The following SEC24D variants were observed in gnomAD, a reference collection of about 807,000 sequenced individuals.
SEC24D encodes protein transport protein Sec24D.
Under a neutral mutation model 116.9 loss-of-function variants are expected in SEC24D, and 69 were observed. The ratio of observed to expected loss-of-function variants is 0.59; its 90% CI spans 0.49 to 0.72. The LOEUF is 0.72. Among genes scored for constraint, SEC24D ranks in the 30% least tolerant of loss-of-function variants. The pLI is 0.00. For synonymous variants in SEC24D, 405 were observed against 442.8 expected (o/e 0.91, Z 1.07); for missense variants, 1,131 against 1,264.1 (o/e 0.89, Z 1.60).
At chr4:118,823,268 T>C (rs1730470337) in intron 3 of SEC24D, among the ~76,000 whole-genome samples, 2 of 152,170 alleles carry the variant, frequency 1.3e-5, no homozygotes, top group African/African-American at 2.4e-5. Context: ...CTGCATCCCA[T>C]AGCTACCATT....
intron 17 of SEC24D, among the ~76,000 whole-genome samples, chr4:118,739,665 A>G (rs1237778855): frequency 6.6e-6 from 1 of 152,214 alleles, no homozygotes; most frequent in African/African-American, 2.4e-5. Context: ...TTTCTTAAAA[A>G]CATACAACTA....
intron 8 of SEC24D, among the ~76,000 whole-genome samples, chr4:118,771,882 G>T (rs1727920073): frequency 6.6e-6 from 1 of 151,974 alleles, no homozygotes; most frequent in African/African-American, 2.4e-5. Flanking sequence ...GGGGTAGAAA[G>T]ACAGTAAATA....
Position 118,723,216 on chromosome 4 carries a change from A to G in SEC24D, c.*299T>C, listed in dbSNP as rs1725234409. The G allele has an allele frequency of 4.4e-6, 1 of 226,704 alleles. No individual in the cohort carries two copies. Among genetic ancestry groups the G allele is most frequent in the Non-Finnish European group, 8.5e-6 (1 of 117,166 alleles). 14.0% of individuals were successfully genotyped at this position (226,704 alleles called of 1,614,324 possible). A position where few individuals can be genotyped will look rare whatever the true frequency, so the allele number is the denominator to read the frequency against. ...AATAATTTATATGTCTAGCATAAAG[A>G]AAATTGAGAATGTTTATGGTTCTGT... On this transcript the variant is annotated 3_prime_UTR_variant, in exon 23 of 23. Transcript: ENST00000280551.
intron 11 of SEC24D, among the ~76,000 whole-genome samples, chr4:118,755,321 C>A (rs1189545671): frequency 6.6e-6 from 1 of 151,824 alleles, no homozygotes; most frequent in Non-Finnish European, 1.5e-5. Flanking sequence ...ATGATTACTT[C>A]TCTCAATGCT....
At chr4:118,748,407 AAC>A (rs2110451756) in intron 13 of SEC24D, among the ~76,000 whole-genome samples, 1 of 152,336 alleles carries the variant, frequency 6.6e-6, no homozygotes, top group Admixed American at 6.5e-5. Context: ...TAATTTCATA[AAC>A]ACACAATTAT....
intron 8 of SEC24D, among the ~76,000 whole-genome samples, chr4:118,784,022 G>A (rs917443004): frequency 1.3e-5 from 2 of 152,210 alleles, no homozygotes; most frequent in African/African-American, 2.4e-5. Context: ...GGCCAACATG[G>A]CGAAACCTTG....
Position 118,738,530 on chromosome 4 carries a change from T to C in SEC24D, c.2378-151A>G. On this transcript the variant is annotated intron_variant, in intron 18 of 22. Transcript: ENST00000280551. ...ATCTGTTCAAGTCATTTGCTAATGG[T>C]CTCCTCTTGACTAAATATGATGATC... is the stretch of plus-strand genomic sequence containing the variant. The C allele has an allele frequency of 4.6e-6, 3 of 649,386 alleles. No homozygotes were observed. The South Asian group carries it at 5.3e-5, about 11-fold the overall frequency. 40.2% of individuals were successfully genotyped at this position (649,386 alleles called of 1,614,324 possible). A position where few individuals can be genotyped will look rare whatever the true frequency, so the allele number is the denominator to read the frequency against.
intron 2 of SEC24D, among the ~76,000 whole-genome samples, chr4:118,828,153 G>A (rs1159182785): frequency 6.6e-6 from 1 of 151,450 alleles, no homozygotes; most frequent in Non-Finnish European, 1.5e-5. Flanking sequence ...CAGTCTCCCA[G>A]GCTGGAGTGC....
At chr4:118,725,295 CAA>C (rs1468481789) in intron 22 of SEC24D, among the ~76,000 whole-genome samples, 1 of 152,168 alleles carries the variant, frequency 6.6e-6, no homozygotes, top group Non-Finnish European at 1.5e-5. Context: ...CATGGGGAAG[CAA>C]AACTAACCCT....
chr4:118,783,077 C>T (rs1036000343), intron 8 of SEC24D, among the ~76,000 whole-genome samples: 3 of 152,204 alleles, frequency 2.0e-5, no homozygotes, highest in African/African-American at 4.8e-5. Flanking sequence ...GGCGACGCCC[C>T]GCCCTGCTTT....
intron 8 of SEC24D, among the ~76,000 whole-genome samples, chr4:118,768,731 T>C (rs1727760970): frequency 6.6e-6 from 1 of 151,654 alleles, no homozygotes; most frequent in Non-Finnish European, 1.5e-5. Flanking sequence ...TCTTAGCTTT[T>C]GCCCCAGGAC....
At chr4:118,801,166 G>A (rs1233998584) in intron 7 of SEC24D, among the ~76,000 whole-genome samples, 4 of 151,960 alleles carry the variant, frequency 2.6e-5, no homozygotes, top group Non-Finnish European at 5.9e-5. Context: ...GGAGGCTGAG[G>A]CAGGAGAATG....
At chr4:118,781,418 C>T (rs1204841031) in intron 8 of SEC24D, among the ~76,000 whole-genome samples, 1 of 152,184 alleles carries the variant, frequency 6.6e-6, no homozygotes, top group Admixed American at 6.5e-5. Context: ...TATTGGCCCC[C>T]ACTCTCTTCT....
chr4:118,777,230 A>C (rs1232152425), intron 8 of SEC24D, among the ~76,000 whole-genome samples: 1 of 152,054 alleles, frequency 6.6e-6, no homozygotes, highest in Admixed American at 6.6e-5. Flanking sequence ...CTCATCATTT[A>C]CACTAGGTAT....
chr4:118,740,540 T>G, intron 17 of SEC24D, 123 bp downstream of exon 17: 1 of 1,084,572 alleles, frequency 9.2e-7, no homozygotes, highest in Non-Finnish European at 1.3e-6. Flanking sequence ...ACTTTTGACT[T>G]TGGAGAAAGA....
rs758347436 is a variant in SEC24D, at chr4:118,723,613, G to T, written c.3001C>A (p.Arg1001=). Residue 1001 remains arginine, a synonymous_variant, in exon 23 of 23, where the codon CGA becomes AGA. Coordinates refer to ENST00000280551, the MANE Select transcript of SEC24D (RefSeq NM_014822.4). The stretch of plus-strand genomic sequence containing the variant: ...CCTTTGTCTTCTACCAGGAACTGTC[G>T]GAAAACCATTTCTGGTTGTTCTCGC... The part of the protein sequence containing the change: ...KQREQPEMVF[R]QFLVEDKGLY... The T allele has an allele frequency of 6.2e-7, 1 of 1,613,524 alleles. No individual in the cohort carries two copies. The highest frequency in any genetic ancestry group is 8.5e-7 in the Non-Finnish European group (1 of 1,179,750).
Position 118,752,866 on chromosome 4 carries a change from C to A in SEC24D, c.1444G>T (p.Ala482Ser). 6.3e-7 allele frequency: 1 copy of A among 1,584,402 alleles called. No individual in the cohort carries two copies. Among genetic ancestry groups the A allele is most frequent in the South Asian group, 1.2e-5 (1 of 84,318 alleles). Reference protein sequence around the residue: ...IPKEEQEETSAIRVGFITYNK... With the variant: ...IPKEEQEETSSIRVGFITYNK... The stretch of plus-strand genomic sequence containing the variant: ...TATGTGATAAAACCCACTCGAATTG[C>A]AGACGTCTCTTCTTGCTCTTCCCTG... Residue 482 changes from alanine (A) to serine (S), a missense_variant, in exon 12 of 23, where the codon GCA (alanine) becomes TCA (serine). Transcript: ENST00000280551.
chr4:118,723,660 G>GAA lies in SEC24D; in HGVS notation c.2959-7_2959-6dup, dbSNP rs140990828. 1.4e-4 allele frequency: 204 copies of GAA among 1,430,198 alleles called. No homozygotes were observed. The highest frequency in any genetic ancestry group is 5.4e-4 in the Middle Eastern group (3 of 5,512). The allele number at this position is 1,430,198 out of a possible 1,614,324, so 88.6% of individuals were successfully genotyped here. On this transcript the variant is annotated splice_polypyrimidine_tract_variant and splice_region_variant and intron_variant, in intron 22 of 22. Transcript: ENST00000280551. ...TCGCTGCTTTACAATTGTGAGCTAG[G>GAA]AAAAAAAAAACAAAACAGTAACAGC...
Position 118,752,130 on chromosome 4 carries a change from A to G in SEC24D, c.1614-41T>C, listed in dbSNP as rs114026007. On this transcript the variant is annotated intron_variant, in intron 12 of 22. Coordinates refer to ENST00000280551, the MANE Select transcript of SEC24D (RefSeq NM_014822.4). Reference sequence around the variant, plus strand: ...AAGCAAAAGGTTTGAAATGTTTAGCATATTTTAATAAACTTCAAGCAATAA... The same window carrying G: ...AAGCAAAAGGTTTGAAATGTTTAGCGTATTTTAATAAACTTCAAGCAATAA... 395 of 1,290,266 alleles carry G rather than the reference A, an allele frequency of 3.1e-4. No homozygotes were observed. In the African/African-American group the frequency reaches 4.7e-3, roughly 15 times the overall value. The allele number at this position is 1,290,266 out of a possible 1,614,324, so 79.9% of individuals were successfully genotyped here.
Sources: gnomAD v4.1 joint callset for allele counts (sites outside exome capture counted in the v4.1 genomes callset) on GRCh38, gnomAD v4.1.1 for gene constraint, MANE v1.5 for transcripts, NCBI Gene and HGNC (gene_info 2026-07-23, HGNC 2026-07-21) for gene names.